Variants in FLNC observed in about 807,000 individuals in gnomAD.
The protein encoded by FLNC is filamin C.
FLNC carries 91 observed loss-of-function variants against 254.3 expected under a neutral mutation model. The ratio of observed to expected loss-of-function variants is 0.36; its 90% CI spans 0.30 to 0.43. The LOEUF is 0.43. Among genes scored for constraint, FLNC ranks in the 20% least tolerant of loss-of-function variants. The probability of loss-of-function intolerance (pLI) is 1.00; values close to 1 mark genes in which losing one functional copy is unlikely to be tolerated. For synonymous variants in FLNC, 1,430 were observed against 1,577.2 expected, an observed-to-expected ratio of 0.91 and a Z score of 2.21; for missense variants, 2,853 against 3,802.6, an observed-to-expected ratio of 0.75 and a Z score of 6.57.
chr7:128,847,294 T>G (rs980711748), intron 24 of FLNC, among the ~76,000 whole-genome samples: 1 of 152,274 alleles, frequency 6.6e-6, no homozygotes, highest in African/African-American at 2.4e-5. Flanking sequence ...CAGACCCAGC[T>G]GCCCGGGCAG....
chr7:128,831,932 C>A (rs1177246856), intron 1 of FLNC, among the ~76,000 whole-genome samples: 1 of 151,938 alleles, frequency 6.6e-6, no homozygotes, highest in African/African-American at 2.4e-5. Context: ...TGGGGAAGAT[C>A]CCCCCGCCCA....
intron 7 of FLNC, 53 bp downstream of exon 7, chr7:128,838,482 G>A (rs1808194720): frequency 4.4e-6 from 7 of 1,589,912 alleles, no homozygotes; most frequent in Non-Finnish European, 6.0e-6. Flanking sequence ...ATGTGGGGCT[G>A]TGTGGGGGTG....
rs201481324 is a variant in FLNC, at chr7:128,846,790, G to A, written c.4173G>A (p.Ser1391=). Residue 1391 remains serine, a synonymous_variant, in exon 24 of 48, where the codon TCG becomes TCA. Transcript: ENST00000325888. ...GGLGLAIEGP[S]EAKMSCKDNK... is the part of the protein sequence containing the mutation. Reference sequence around the variant, plus strand: ...TTGGCCTAGCCATCGAGGGTCCCTCGGAAGCCAAGATGTCCTGCAAGGACA... The same window carrying A: ...TTGGCCTAGCCATCGAGGGTCCCTCAGAAGCCAAGATGTCCTGCAAGGACA... The A allele has an allele frequency of 3.4e-5, 55 of 1,614,062 alleles. No homozygotes were observed. The Middle Eastern group carries it at 4.9e-4, about 14-fold the overall frequency.
At position 128,857,983 on chromosome 7, in the gene FLNC, T is replaced by C; in HGVS notation, c.7781-25T>C. 3 of 1,440,136 alleles carry C rather than the reference T, an allele frequency of 2.1e-6. No homozygotes were observed. Among genetic ancestry groups the C allele is most frequent in the Non-Finnish European group, 2.9e-6 (3 of 1,037,878 alleles). The allele number at this position is 1,440,136 out of a possible 1,614,324, so 89.2% of individuals were successfully genotyped here. A position where few individuals can be genotyped will look rare whatever the true frequency, so the allele number is the denominator to read the frequency against. ...AACAGGAAGCCCTTCTGACTAGGTT[T>C]GTGCCCCCTCCACCCACCCCTCAGG... On this transcript the variant is annotated intron_variant, in intron 46 of 47. Coordinates refer to ENST00000325888, the MANE Select transcript of FLNC (RefSeq NM_001458.5). This position sits in a 1 kb window ranked among gnomAD's most constrained non-coding sequence, Gnocchi z 4.5.
intron 28 of FLNC, 75 bp from the exon 29 acceptor site, chr7:128,849,102 CCCCT>C: frequency 3.0e-5 from 46 of 1,536,966 alleles, no homozygotes; most frequent in Non-Finnish European, 3.9e-5. Flanking sequence ...CTAGCCCTGG[CCCCT>C]CCCTCCCTCA....
Position 128,830,506 on chromosome 7 carries a change from G to T in FLNC, c.-132G>T. 2.6e-6 allele frequency: 2 copies of T among 767,070 alleles called. No individual in the cohort carries two copies. The highest frequency in any genetic ancestry group is 4.2e-6 in the Non-Finnish European group (2 of 477,230). The allele number at this position is 767,070 out of a possible 1,614,324, so 47.5% of individuals were successfully genotyped here. A position where few individuals can be genotyped will look rare whatever the true frequency, so the allele number is the denominator to read the frequency against. On this transcript the variant is annotated 5_prime_UTR_variant, in exon 1 of 48. Transcript: ENST00000325888. ...AGCCTCGCCGAGCCCCGCCAGCCCC[G>T]GCGCGAGAGAAGTTGGAGAGGAGAG... is the stretch of plus-strand genomic sequence containing the variant.
chr7:128,830,715 G>A lies in FLNC; in HGVS notation c.78G>A (p.Lys26=). The A allele has an allele frequency of 6.2e-7, 1 of 1,613,068 alleles. No individual in the cohort carries two copies. Among genetic ancestry groups the A allele is most frequent in the Non-Finnish European group, 8.5e-7 (1 of 1,179,974 alleles). ...CAGACGAGATGCCGTCCACGGAGAAGGACCTGGCGGAGGACGCGCCGTGGA... is the reference window on the plus strand; with the variant it reads ...CAGACGAGATGCCGTCCACGGAGAAAGACCTGGCGGAGGACGCGCCGTGGA... ...DETDEMPSTE[K]DLAEDAPWKK... is the part of the protein sequence containing the mutation. Residue 26 remains lysine (K), a synonymous_variant, in exon 1 of 48, where the codon AAG becomes AAA. Transcript: ENST00000325888.
In FLNC at chr7:128,838,027, C is replaced by T; in HGVS notation, c.1010C>T (p.Ala337Val). The change falls in exon 6 of 48, where the codon GCT (alanine) becomes GTT (valine). Residue 337 changes from alanine to valine, a missense_variant. This residue lies in a region of FLNC where 1,573 missense variants were observed against 1,883.5 expected (regional missense o/e 0.84). Transcript: ENST00000325888. ...AACAATGACAAGGATCGCACCTATG[C>T]TGTCTCCTATGTGCCCAAGGTCGCT... ...VPNNDKDRTY[A>V]VSYVPKVAGL... The T allele has an allele frequency of 6.2e-7, 1 of 1,614,044 alleles. No individual in the cohort carries two copies. Among genetic ancestry groups the T allele is most frequent in the South Asian group, 1.1e-5 (1 of 91,086 alleles).
Position 128,849,953 on chromosome 7 carries a change from G to A in FLNC, c.5200-23G>A, listed in dbSNP as rs992576321. On this transcript the variant is annotated intron_variant, in intron 30 of 47. Transcript: ENST00000325888. The stretch of plus-strand genomic sequence containing the variant: ...GGCCTGTGAGGCTGCCACACCCTGT[G>A]CCCCCGTGCCTTGCCTCCCCAGGCG... 2.6e-6 allele frequency: 4 copies of A among 1,523,920 alleles called. No homozygotes were observed. In the African/African-American group the frequency reaches 5.4e-5, roughly 21 times the overall value. The allele number at this position is 1,523,920 out of a possible 1,614,324, so 94.4% of individuals were successfully genotyped here.
chr7:128,842,853 A>G lies in FLNC; in HGVS notation c.2449A>G (p.Ile817Val), dbSNP rs1028979590. ...PGVVGPAEADIDFDIIKNDND... is the reference protein window; with the variant it reads ...PGVVGPAEADVDFDIIKNDND... ...CGTGGTGGGCCCTGCAGAGGCTGAC[A>G]TTGACTTCGACATCATCAAGAATGA... is the stretch of plus-strand genomic sequence containing the variant. The change falls in exon 16 of 48, where the codon ATT becomes GTT. Residue 817 changes from isoleucine to valine, a missense_variant. Ile to Val is a conservative substitution (Grantham distance 29). Coordinates refer to ENST00000325888, the MANE Select transcript of FLNC (RefSeq NM_001458.5). The surrounding 1 kb of genome is among the most constrained non-coding windows in gnomAD (Gnocchi z 5.4). 4 of 1,613,892 alleles carry G rather than the reference A, an allele frequency of 2.5e-6. No individual in the cohort carries two copies. Among genetic ancestry groups the G allele is most frequent in the Non-Finnish European group, 3.4e-6 (4 of 1,180,026 alleles).
At position 128,852,943 on chromosome 7, in the gene FLNC, C is replaced by T. The variant is rs116974302; in HGVS notation, c.6120C>T (p.Asp2040=). Residue 2040 remains aspartate (D), a synonymous_variant, in exon 37 of 48, where the codon GAC becomes GAT. Transcript: ENST00000325888. The part of the protein sequence containing the change: ...KILVGPSEIG[D]ASKVRVWGKG... ...TGGTGGGGCCATCTGAGATCGGGGA[C>T]GCCAGCAAGGTGCGGGTCTGGGGCA... The T allele has an allele frequency of 5.4e-4, 877 of 1,613,570 alleles. 8 individuals carry two copies. The East Asian group carries it at 0.015, about 28-fold the overall frequency.
chr7:128,854,252 G>A (rs756559724), intron 40 of FLNC, 36 bp downstream of exon 40: 13 of 1,603,810 alleles, frequency 8.1e-6, no homozygotes, highest in South Asian at 4.4e-5. Flanking sequence ...GGGTCCTCAC[G>A]GCGGGATGGG....
At chr7:128,850,626 C>A in intron 32 of FLNC, 143 bp downstream of exon 32, 1 of 1,223,392 alleles carries the variant, frequency 8.2e-7, no homozygotes, top group Non-Finnish European at 1.2e-6. Flanking sequence ...TGGGCAGAGC[C>A]AGAACTCAGG....
rs1484540724 is a variant in FLNC, at chr7:128,838,381, G to A, written c.1162G>A (p.Val388Met). 6.2e-7 allele frequency: 1 copy of A among 1,614,068 alleles called. No individual in the cohort carries two copies. The highest frequency in any genetic ancestry group is 1.3e-5 in the African/African-American group (1 of 75,036). The change falls in exon 7 of 48, where the codon GTG becomes ATG. Residue 388 changes from valine (V) to methionine (M), a missense_variant. Transcript: ENST00000325888. ...AGCCCGTGGCCCTGGCCTGGAACCT[G>A]TGGGCAATGTGGCCAACAAACCCAC... ...VSARGPGLEP[V>M]GNVANKPTYF... is the part of the protein sequence containing the mutation.
chr7:128,849,164 C>T lies in FLNC; in HGVS notation c.4928-17C>T. ...ACGTTGAGCACCGCCTGGCCTCACA[C>T]TCTTCTCTCTTTCCAGTGTCCATTG... is the stretch of plus-strand genomic sequence containing the variant. On this transcript the variant is annotated splice_polypyrimidine_tract_variant and intron_variant, in intron 28 of 47. Transcript: ENST00000325888. 1 of 1,613,020 alleles carries T rather than the reference C, an allele frequency of 6.2e-7. No homozygotes were observed. The highest frequency in any genetic ancestry group is 1.1e-5 in the South Asian group (1 of 91,014).
At chr7:128,853,197 C>A in intron 37 of FLNC, 166 bp downstream of exon 37, 1 of 751,140 alleles carries the variant, frequency 1.3e-6, no homozygotes. Flanking sequence ...AGTGAATGGC[C>A]CCGCATCAGT....
rs192373447 is a variant in FLNC at position 128,853,690 on chromosome 7, G to A, written c.6362-25G>A. 7.0e-4 allele frequency: 1,137 copies of A among 1,613,956 alleles called. 6 individuals carry two copies. The African/African-American group carries it at 0.013, about 19-fold the overall frequency. ...AGGAGGCTGGGGCTCTGAGGTTCCT[G>A]ACCCACCCTTTGTCCCCACTTCAGG... On this transcript the variant is annotated intron_variant, in intron 38 of 47. Transcript: ENST00000325888.
chr7:128,852,789 G>C, intron 36 of FLNC, 37 bp downstream of exon 36: 1 of 1,613,514 alleles, frequency 6.2e-7, no homozygotes, highest in Non-Finnish European at 8.5e-7. Flanking sequence ...CAGGGGTGGG[G>C]GCCCACAGGA....
chr7:128,852,790 G>A (rs752974645), intron 36 of FLNC, 38 bp downstream of exon 36: 4 of 1,613,354 alleles, frequency 2.5e-6, no homozygotes, highest in African/African-American at 2.7e-5. Context: ...AGGGGTGGGG[G>A]CCCACAGGAT....
Sources: gnomAD v4.1 joint callset for allele counts (sites outside exome capture counted in the v4.1 genomes callset) on GRCh38, gnomAD v4.1.1 for gene constraint, gnomAD v4.1.1 regional missense constraint, Gnocchi (gnomAD v3.1) non-coding constraint, MANE v1.5 for transcripts, NCBI Gene and HGNC (gene_info 2026-07-23, HGNC 2026-07-21) for gene names.